Variants in HRH4 observed in about 807,000 individuals in gnomAD.
HRH4 encodes the protein histamine receptor H4, also known as histamine H4 receptor.
Under a neutral mutation model 10.4 loss-of-function variants are expected in HRH4, and 12 were observed. That is an observed-to-expected ratio of 1.15 (90% CI 0.74 to 1.87). The LOEUF (loss-of-function observed/expected upper bound fraction) is 1.87, where lower values mean the gene tolerates loss of function less well. Among genes scored for constraint, HRH4 ranks in the 40% most tolerant of loss-of-function variants. The pLI is 0.00. For missense variants in HRH4, 415 were observed against 453.3 expected (o/e 0.92, Z 0.77); for synonymous variants, 154 against 166.6 (o/e 0.92, Z 0.58).
At chr18:24,468,290 C>T (rs1445961652) in intron 1 of HRH4, among the ~76,000 whole-genome samples, 2 of 152,226 alleles carry the variant, frequency 1.3e-5, no homozygotes, top group East Asian at 3.8e-4. Context: ...GATCCACCCA[C>T]CTTGGTCTCT....
At chr18:24,469,013 C>T in intron 2 of HRH4, 62 bp downstream of exon 2, 2 of 1,332,370 alleles carry the variant, frequency 1.5e-6, no homozygotes, top group Non-Finnish European at 2.0e-6. Flanking sequence ...GATGGGTCCT[C>T]AAGCAAAAAT....
In HRH4 at chr18:24,468,921, C is replaced by T. The variant is rs753290433; in HGVS notation, c.327C>T (p.Ser109=). ...CTGTATATAACATTGTCCTCATCAG[C>T]TATGATCGATACCTGTCAGTCTCAA... ...TASVYNIVLI[S]YDRYLSVSNA... The change falls in exon 2 of 3, where the codon AGC becomes AGT. Residue 109 remains serine (S), a synonymous_variant. Coordinates refer to ENST00000256906, the MANE Select transcript of HRH4 (RefSeq NM_021624.4). 6.2e-7 allele frequency: 1 copy of T among 1,610,620 alleles called. No individual in the cohort carries two copies. The highest frequency in any genetic ancestry group is 1.1e-5 in the South Asian group (1 of 90,240).
intron 1 of HRH4, among the ~76,000 whole-genome samples, chr18:24,464,382 A>G (rs911525599): frequency 1.3e-5 from 2 of 152,124 alleles, no homozygotes; most frequent in Non-Finnish European, 2.9e-5. Context: ...CTATTGGATC[A>G]GGGCCCCACT....
intron 1 of HRH4, among the ~76,000 whole-genome samples, chr18:24,466,287 A>AC (rs1909773227): frequency 7.7e-6 from 1 of 129,212 alleles, no homozygotes; most frequent in South Asian, 2.5e-4. Context: ...TAATTTTTGT[A>AC]TTTTTTTTTT....
At chr18:24,463,813 C>T (rs1024960958) in intron 1 of HRH4, among the ~76,000 whole-genome samples, 1 of 152,218 alleles carries the variant, frequency 6.6e-6, no homozygotes, top group Non-Finnish European at 1.5e-5. Flanking sequence ...AATTCTAGTA[C>T]TAGCTATACC....
chr18:24,461,754 T>G (rs2144362871), intron 1 of HRH4, among the ~76,000 whole-genome samples: 1 of 150,962 alleles, frequency 6.6e-6, no homozygotes, highest in South Asian at 2.1e-4. Context: ...ACTCAACAAA[T>G]GTTAGTTCTC....
chr18:24,471,606 C>CAAAAAAAA (rs60730879), intron 2 of HRH4, among the ~76,000 whole-genome samples: 11 of 51,392 alleles, frequency 2.1e-4, no homozygotes, highest in African/African-American at 4.6e-4. Flanking sequence ...GACTCCATCT[C>CAAAAAAAA]AAAAAAAAAA....
At chr18:24,472,763 G>GT (rs1910007275) in intron 2 of HRH4, among the ~76,000 whole-genome samples, 1 of 152,206 alleles carries the variant, frequency 6.6e-6, no homozygotes, top group Non-Finnish European at 1.5e-5. Context: ...CCTCAGAGAG[G>GT]TTTTCTGGAG....
At position 24,477,280 on chromosome 18, in the gene HRH4, A is replaced by T. The variant is rs1185919741; in HGVS notation, c.891A>T (p.Arg297Ser). ...AAAGGGAACATGTTGAACTGCTTAGAGCCAGGAGATTAGCCAAGTCACTGG... is the reference window on the plus strand; with the variant it reads ...AAAGGGAACATGTTGAACTGCTTAGTGCCAGGAGATTAGCCAAGTCACTGG... ...LHQREHVELL[R>S]ARRLAKSLAI... The change falls in exon 3 of 3, where the codon AGA (arginine) becomes AGT (serine). Residue 297 changes from arginine (R) to serine (S), a missense_variant. Coordinates refer to ENST00000256906, the MANE Select transcript of HRH4 (RefSeq NM_021624.4). 3 of 1,614,106 alleles carry T rather than the reference A, an allele frequency of 1.9e-6. No individual in the cohort carries two copies. The highest frequency in any genetic ancestry group is 2.5e-6 in the Non-Finnish European group (3 of 1,180,046).
intron 1 of HRH4, among the ~76,000 whole-genome samples, chr18:24,462,422 C>A (rs537387252): frequency 1.3e-5 from 2 of 151,858 alleles, no homozygotes; most frequent in Non-Finnish European, 2.9e-5. Flanking sequence ...GAGTGTGGGG[C>A]GGCATGCTTT....
chr18:24,472,084 C>T (rs908977919), intron 2 of HRH4, among the ~76,000 whole-genome samples: 6 of 152,030 alleles, frequency 3.9e-5, no homozygotes, highest in African/African-American at 9.7e-5. Context: ...CTGGCTCTGT[C>T]GCCCAGGCTG....
chr18:24,467,093 A>G (rs1568096289), intron 1 of HRH4, among the ~76,000 whole-genome samples: 1 of 152,310 alleles, frequency 6.6e-6, no homozygotes, highest in South Asian at 2.1e-4. Flanking sequence ...ACCTTGGTCT[A>G]ATTATCTCTT....
rs968953536 is a variant in HRH4, at chr18:24,478,427, T to A, written c.*865T>A. 6.6e-6 allele frequency: 1 copy of A among 152,418 alleles called. No individual in the cohort carries two copies. The highest frequency in any genetic ancestry group is 6.5e-5 in the Admixed American group (1 of 15,288). The allele number at this position is 152,418 out of a possible 1,614,324, so 9.4% of individuals were successfully genotyped here. ...ATTTTTATTTGTTGGCCGGGCATGG[T>A]GGCTCACGCCTGAAATCCCAGCACT... is the stretch of plus-strand genomic sequence containing the variant. On this transcript the variant is annotated 3_prime_UTR_variant, in exon 3 of 3. Transcript: ENST00000256906.
intron 1 of HRH4, among the ~76,000 whole-genome samples, chr18:24,465,925 G>A (rs1434927291): frequency 6.6e-6 from 1 of 152,074 alleles, no homozygotes; most frequent in Non-Finnish European, 1.5e-5. Context: ...TCAGTCAGTG[G>A]TGTCTAGAAT....
intron 1 of HRH4, among the ~76,000 whole-genome samples, chr18:24,465,304 A>G (rs533250456): frequency 6.6e-6 from 1 of 152,036 alleles, no homozygotes; most frequent in African/African-American, 2.4e-5. Context: ...AACAAACAAA[A>G]CAAAAAGGAA....
rs920543688 is a variant in HRH4 at position 24,477,684 on chromosome 18, A to G, written c.*122A>G. 3.2e-6 allele frequency: 2 copies of G among 620,698 alleles called. No individual in the cohort carries two copies. The highest frequency in any genetic ancestry group is 3.7e-5 in the African/African-American group (2 of 54,662). 38.4% of individuals were successfully genotyped at this position (620,698 alleles called of 1,614,324 possible). On this transcript the variant is annotated 3_prime_UTR_variant, in exon 3 of 3. Coordinates refer to ENST00000256906, the MANE Select transcript of HRH4 (RefSeq NM_021624.4). ...TGCACTTTGAAGTCAATGGTAAATT[A>G]CTCCAGTGAATAATAGCAGTATAAT...
At chr18:24,468,375 G>A (rs1015180892) in intron 1 of HRH4, among the ~76,000 whole-genome samples, 7 of 152,268 alleles carry the variant, frequency 4.6e-5, no homozygotes, top group Middle Eastern at 3.4e-3. Flanking sequence ...AGTAGATTAT[G>A]TATAATACCA....
At chr18:24,466,287 A>ATTT (rs398032181) in intron 1 of HRH4, among the ~76,000 whole-genome samples, 47,004 of 128,952 alleles carry the variant, frequency 0.36, 9,742 homozygotes, top group South Asian at 0.49. Flanking sequence ...TAATTTTTGT[A>ATTT]TTTTTTTTTT....
At chr18:24,467,062 C>T (rs1450628086) in intron 1 of HRH4, among the ~76,000 whole-genome samples, 2 of 152,192 alleles carry the variant, frequency 1.3e-5, no homozygotes, top group East Asian at 1.9e-4. Context: ...ATGCAATCTT[C>T]TCCACTTGCT....
Sources: gnomAD v4.1 joint callset for allele counts (sites outside exome capture counted in the v4.1 genomes callset) on GRCh38, gnomAD v4.1.1 for gene constraint, MANE v1.5 for transcripts, NCBI Gene and HGNC (gene_info 2026-07-23, HGNC 2026-07-21) for gene names.